Variants in MLH3 observed in about 807,000 individuals in gnomAD.
MLH3 encodes the protein DNA mismatch repair protein Mlh3.
MLH3 carries 82 observed loss-of-function variants against 122.2 expected under a neutral mutation model. The observed-to-expected ratio is 0.67, with a 90% CI of 0.56 to 0.81. MLH3 has a LOEUF of 0.81. Ranked by LOEUF, MLH3 falls within the 30% of genes least tolerant of loss-of-function variation. The pLI, the probability that MLH3 is intolerant of heterozygous loss-of-function variation, is 0.00. For synonymous variants in MLH3, 524 were observed against 599.5 expected, an observed-to-expected ratio of 0.87 and a Z score of 1.84; for missense variants, 1,539 against 1,714.5, an observed-to-expected ratio of 0.90 and a Z score of 1.81.
chr14:75,039,442 G>T (rs949678389), intron 5 of MLH3, among the ~76,000 whole-genome samples: 3 of 152,084 alleles, frequency 2.0e-5, no homozygotes, highest in Non-Finnish European at 4.4e-5. Flanking sequence ...TCAGACAAAG[G>T]GTCCCTTTTG....
At chr14:75,039,056 ACC>A (rs1891625278) in intron 5 of MLH3, among the ~76,000 whole-genome samples, 1 of 152,026 alleles carries the variant, frequency 6.6e-6, no homozygotes, top group South Asian at 2.1e-4. Flanking sequence ...ACGGGGTTTC[ACC>A]GTGTTAGCCA....
chr14:75,034,332 C>T (rs1216658172), intron 6 of MLH3, among the ~76,000 whole-genome samples: 1 of 152,096 alleles, frequency 6.6e-6, no homozygotes, highest in African/African-American at 2.4e-5. Context: ...TTGTTATAAT[C>T]AGCTAACCTT....
Position 75,047,690 on chromosome 14 carries a change from T to A in MLH3, c.1966A>T (p.Lys656Ter). 6.2e-7 allele frequency: 1 copy of A among 1,614,122 alleles called. No homozygotes were observed. Among genetic ancestry groups the A allele is most frequent in the Non-Finnish European group, 8.5e-7 (1 of 1,180,010 alleles). Residue 656 changes from lysine to a stop codon, truncating the protein, a stop_gained, in exon 2 of 13, where the codon AAA (lysine) becomes TAA (stop). Transcript: ENST00000355774. LOFTEE classifies it high-confidence loss of function. ...TTACTTAAAGTGCTGGCTAAATCTT[T>A]GATGTCTGGAGTTTCAACTGAATGA... is the stretch of plus-strand genomic sequence containing the variant. ...TRHSVETPDI[K>*]DLASTLSKES...
At position 75,048,364 on chromosome 14, in the gene MLH3, G is replaced by A. The variant is rs981416455; in HGVS notation, c.1292C>T (p.Thr431Ile). ...AAATGCATCATTTGTATTTTTTCTG[G>A]TAGCTTCTGAATCCCTAGAACTCTG... ...NTQSSRDSEATRKNTNDAFLY... is the reference protein window; with the variant it reads ...NTQSSRDSEAIRKNTNDAFLY... Residue 431 changes from threonine (T) to isoleucine (I), a missense_variant, in exon 2 of 13, where the codon ACC becomes ATC. Thr to Ile is a moderately conservative substitution (Grantham distance 89, BLOSUM62 -1). Transcript: ENST00000355774. The A allele has an allele frequency of 1.9e-6, 3 of 1,613,356 alleles. No homozygotes were observed. The African/African-American group carries it at 4.0e-5, about 22-fold the overall frequency.
chr14:75,033,500 C>T lies in MLH3; in HGVS notation c.3644-10G>A. 1 of 1,611,574 alleles carries T rather than the reference C, an allele frequency of 6.2e-7. No individual in the cohort carries two copies. Among genetic ancestry groups the T allele is most frequent in the Non-Finnish European group, 8.5e-7 (1 of 1,177,740 alleles). On this transcript the variant is annotated splice_polypyrimidine_tract_variant and intron_variant, in intron 6 of 12. Coordinates refer to ENST00000355774, the MANE Select transcript of MLH3 (RefSeq NM_001040108.2). ...ACGAGCAGGTTCCCACCTAGATGAG[C>T]AAGGATTGTGAACTTTGATTCTCAG... is the stretch of plus-strand genomic sequence containing the variant.
intron 2 of MLH3, among the ~76,000 whole-genome samples, chr14:75,045,967 C>A (rs1282780034): frequency 2.0e-5 from 3 of 151,898 alleles, no homozygotes; most frequent in African/African-American, 7.3e-5. Flanking sequence ...TCACTTGAGG[C>A]TAGGAGTTTG....
At chr14:75,017,573 C>G (rs1363008587) in intron 12 of MLH3, among the ~76,000 whole-genome samples, 1 of 151,980 alleles carries the variant, frequency 6.6e-6, no homozygotes, top group Non-Finnish European at 1.5e-5. Context: ...AGGTAGCATA[C>G]AAATATTTCC....
chr14:75,026,677 T>C (rs913019476), intron 9 of MLH3, among the ~76,000 whole-genome samples: 2 of 152,098 alleles, frequency 1.3e-5, no homozygotes, highest in African/African-American at 2.4e-5. Flanking sequence ...AATAAATCCA[T>C]ACAAAGATAC....
At chr14:75,017,842 G>T (rs1889994078) in intron 12 of MLH3, among the ~76,000 whole-genome samples, 1 of 152,124 alleles carries the variant, frequency 6.6e-6, no homozygotes. Context: ...GCAGGGAAAG[G>T]TTAGCAAAAG....
At chr14:75,033,380 G>A (rs982162404) in intron 7 of MLH3, 39 bp downstream of exon 7, 1 of 1,542,416 alleles carries the variant, frequency 6.5e-7, no homozygotes, top group African/African-American at 1.4e-5. Flanking sequence ...GATTCTGCTG[G>A]GAGTCTCAAA....
In MLH3 at chr14:75,032,192, A is replaced by G. The variant is rs1381190647; in HGVS notation, c.3716-13T>C. 2 of 1,502,690 alleles carry G rather than the reference A, an allele frequency of 1.3e-6. No individual in the cohort carries two copies. Among genetic ancestry groups the G allele is most frequent in the Non-Finnish European group, 1.9e-6 (2 of 1,078,440 alleles). The allele number at this position is 1,502,690 out of a possible 1,614,324, so 93.1% of individuals were successfully genotyped here. ...TTCTCGTAGGAATCTATTGGCAGAA[A>G]GATGAATGGGTTAAGAGTAGGAAGG... On this transcript the variant is annotated splice_polypyrimidine_tract_variant and intron_variant, in intron 7 of 12. Transcript: ENST00000355774.
intron 6 of MLH3, 152 bp downstream of exon 6, chr14:75,038,188 C>A: frequency 1.5e-6 from 1 of 665,770 alleles, no homozygotes; most frequent in South Asian, 1.6e-5. Flanking sequence ...TGTGAGCCAC[C>A]GCACCCAGCC....
chr14:75,041,566 A>G, intron 4 of MLH3, 49 bp downstream of exon 4: 1 of 1,404,740 alleles, frequency 7.1e-7, no homozygotes, highest in South Asian at 1.2e-5. Context: ...AAAAAATAAG[A>G]AGAAGAAGAA....
At chr14:75,029,014 G>A (rs1890848293) in intron 9 of MLH3, among the ~76,000 whole-genome samples, 1 of 151,200 alleles carries the variant, frequency 6.6e-6, no homozygotes, top group Non-Finnish European at 1.5e-5. Flanking sequence ...CCGGGGCATG[G>A]TGGTGTGCGC....
At chr14:75,017,539 T>C (rs190683181) in intron 12 of MLH3, among the ~76,000 whole-genome samples, 228 of 150,804 alleles carry the variant, frequency 1.5e-3, no homozygotes, top group African/African-American at 5.3e-3. Context: ...AGACTCCGTC[T>C]CAAAAAAAAA....
Position 75,048,464 on chromosome 14 carries a change from AAAT to A in MLH3, c.1189_1191del (p.Ile397del), listed in dbSNP as rs777369430. 4.2e-5 allele frequency: 68 copies of A among 1,612,526 alleles called. No homozygotes were observed. In the East Asian group the frequency reaches 1.5e-3, roughly 35 times the overall value. ...AAATTAAACATCTCATAGGAATCTAAAATATTATTACATGCTTCCTGGAAATTG... is the reference window on the plus strand; with the variant it reads ...AAATTAAACATCTCATAGGAATCTAAATTATTACATGCTTCCTGGAAATTG... On this transcript the variant is annotated inframe_deletion, in exon 2 of 13. Transcript: ENST00000355774.
At chr14:75,017,465 T>G (rs1328616737) in intron 12 of MLH3, among the ~76,000 whole-genome samples, 2 of 151,520 alleles carry the variant, frequency 1.3e-5, no homozygotes, top group African/African-American at 4.9e-5. Context: ...TGATTGAACC[T>G]GGGAGGCGGA....
rs1359282344 is a variant in MLH3, at chr14:75,049,164, A to G, written c.492T>C (p.Pro164=). The G allele has an allele frequency of 1.2e-6, 2 of 1,614,180 alleles. No individual in the cohort carries two copies. The highest frequency in any genetic ancestry group is 1.7e-5 in the Admixed American group (1 of 60,018). ...QLPVRRKCMD[P]RLEFEKVRQR... Reference sequence around the variant, plus strand: ...GCCTAACCTTCTCAAACTCCAGTCTAGGGTCCATGCATTTCCTCCTTACAG... The same window carrying G: ...GCCTAACCTTCTCAAACTCCAGTCTGGGGTCCATGCATTTCCTCCTTACAG... Residue 164 remains proline, a synonymous_variant, in exon 2 of 13, where the codon CCT becomes CCC. Transcript: ENST00000355774.
At chr14:75,029,762 C>T (rs746849002) in intron 9 of MLH3, among the ~76,000 whole-genome samples, 2 of 152,028 alleles carry the variant, frequency 1.3e-5, no homozygotes, top group Non-Finnish European at 2.9e-5. Flanking sequence ...CTCGAACTCC[C>T]GACCTCAGGT....
Sources: gnomAD v4.1 joint callset for allele counts (sites outside exome capture counted in the v4.1 genomes callset) on GRCh38, gnomAD v4.1.1 for gene constraint, MANE v1.5 for transcripts, NCBI Gene and HGNC (gene_info 2026-07-23, HGNC 2026-07-21) for gene names.